LRBA: variants seen among roughly 807,000 people sequenced by gnomAD.
LRBA encodes LPS responsive beige-like anchor protein.
In LRBA, 176 loss-of-function variants were observed where a neutral mutation model predicts 330.0. The observed-to-expected ratio is 0.53, with a 90% confidence interval of 0.47 to 0.60. LRBA has a LOEUF of 0.60. Among genes scored for constraint, LRBA ranks in the 20% least tolerant of loss-of-function variants. The pLI is 0.00. For synonymous variants in LRBA, 1,230 were observed against 1,193.0 expected, an observed-to-expected ratio of 1.03 and a Z score of -0.64; for missense variants, 3,259 against 3,444.8, an observed-to-expected ratio of 0.95 and a Z score of 1.35.
At chr4:150,324,221 G>A (rs1732939532) in intron 49 of LRBA, among the ~76,000 whole-genome samples, 1 of 152,208 alleles carries the variant, frequency 6.6e-6, no homozygotes, top group Non-Finnish European at 1.5e-5. Flanking sequence ...AAAGTCAATG[G>A]AGCAGAGGAG....
intron 18 of LRBA, among the ~76,000 whole-genome samples, 178 bp downstream of exon 18, chr4:150,872,485 A>C (rs1399479881): frequency 3.9e-5 from 6 of 152,172 alleles, no homozygotes; most frequent in Admixed American, 6.5e-5. Context: ...TGTACAAAAA[A>C]ATTAATCCTG....
At chr4:150,884,750 G>A (rs1051966075) in intron 17 of LRBA, among the ~76,000 whole-genome samples, 8 of 152,008 alleles carry the variant, frequency 5.3e-5, no homozygotes, top group African/African-American at 1.9e-4. Context: ...GAGTTGCCCA[G>A]TTTTCAACAA....
intron 2 of LRBA, among the ~76,000 whole-genome samples, chr4:150,943,337 A>C (rs934500085): frequency 4.6e-5 from 7 of 152,116 alleles, no homozygotes; most frequent in Non-Finnish European, 2.9e-5. Context: ...GCCAGGCTGG[A>C]CTTGAACTTC....
chr4:150,319,125 C>G (rs1251361417), intron 50 of LRBA, among the ~76,000 whole-genome samples: 1 of 152,136 alleles, frequency 6.6e-6, no homozygotes, highest in African/African-American at 2.4e-5. Flanking sequence ...TTAGGGTTAT[C>G]AGTGCTAAAA....
At chr4:150,889,637 G>T (rs1217109431) in intron 17 of LRBA, among the ~76,000 whole-genome samples, 1 of 152,136 alleles carries the variant, frequency 6.6e-6, no homozygotes, top group Non-Finnish European at 1.5e-5. Flanking sequence ...AGAATCAAAT[G>T]ATAAATATAA....
At chr4:150,873,593 A>AC (rs2127012590) in intron 17 of LRBA, among the ~76,000 whole-genome samples, 1 of 151,920 alleles carries the variant, frequency 6.6e-6, no homozygotes, top group African/African-American at 2.4e-5. Context: ...CTGTCTCAAA[A>AC]AAAAAAACAA....
At chr4:150,548,738 T>TG (rs1252884369) in intron 40 of LRBA, among the ~76,000 whole-genome samples, 1 of 152,234 alleles carries the variant, frequency 6.6e-6, no homozygotes, top group Admixed American at 6.5e-5. Context: ...TATTATTGAT[T>TG]GAACCCTTAC....
At chr4:150,300,866 A>T (rs1284951353) in intron 53 of LRBA, among the ~76,000 whole-genome samples, 1 of 152,100 alleles carries the variant, frequency 6.6e-6, no homozygotes, top group Non-Finnish European at 1.5e-5. Flanking sequence ...ATAGGTCTTT[A>T]GCTGCTTTTT....
intron 37 of LRBA, among the ~76,000 whole-genome samples, chr4:150,624,735 T>G (rs73861640): frequency 2.6e-4 from 39 of 152,300 alleles, no homozygotes; most frequent in African/African-American, 9.1e-4. Context: ...AAAAAGCATG[T>G]GATGTAAAGC....
chr4:150,680,991 A>T (rs1166789421), intron 37 of LRBA, among the ~76,000 whole-genome samples: 5 of 149,096 alleles, frequency 3.4e-5, no homozygotes, highest in Non-Finnish European at 5.9e-5. Flanking sequence ...GGGTCAAAAT[A>T]AAAAAAATGC....
intron 2 of LRBA, among the ~76,000 whole-genome samples, chr4:150,946,754 C>T (rs1329405942): frequency 1.3e-5 from 2 of 151,780 alleles, no homozygotes; most frequent in Admixed American, 1.3e-4. Context: ...AAGCAGAAGT[C>T]AGTGAAGTAG....
intron 35 of LRBA, among the ~76,000 whole-genome samples, chr4:150,757,210 A>G (rs1269612936): frequency 6.6e-6 from 1 of 152,212 alleles, no homozygotes; most frequent in East Asian, 1.9e-4. Flanking sequence ...TACCAAAACA[A>G]TGTATTTAAA....
chr4:150,309,367 C>T (rs372295002), intron 52 of LRBA, among the ~76,000 whole-genome samples: 30 of 152,080 alleles, frequency 2.0e-4, no homozygotes, highest in East Asian at 7.7e-4. Context: ...TGCTGCACAA[C>T]GATAAAATCC....
intron 30 of LRBA, among the ~76,000 whole-genome samples, chr4:150,820,722 G>A (rs910764153): frequency 2.6e-5 from 4 of 151,948 alleles, no homozygotes; most frequent in African/African-American, 9.7e-5. Context: ...GCAGTAGGTA[G>A]ATTTTGAAAT....
rs1340275769 is a variant in LRBA, at chr4:150,304,493, ATAGTACTTTTTTTCTCCTGTGAT to A, written c.7850-1724_7850-1702del. 5.4e-4 allele frequency among the ~76,000 whole-genome samples: 79 copies of A among 145,490 alleles called. 2 individuals are homozygous for A. The highest frequency in any genetic ancestry group is 7.2e-3 in the Middle Eastern group (2 of 278). ...TTCAATCTCAAGTTGCAAAACTAAT[ATAGTACTTTTTTTCTCCTGTGAT>A]TAAGGGAGAGCAGACTTCAAAGCAA... On this transcript the variant is annotated intron_variant, in intron 52 of 56. Coordinates refer to ENST00000651943, the MANE Select transcript of LRBA (RefSeq NM_001364905.1).
chr4:150,686,541 T>G (rs1399937568), intron 36 of LRBA, among the ~76,000 whole-genome samples: 1 of 152,170 alleles, frequency 6.6e-6, no homozygotes, highest in African/African-American at 2.4e-5. Flanking sequence ...ATTCAAGAAC[T>G]GAGAAGCATT....
intron 21 of LRBA, 84 bp from the exon 22 acceptor site, chr4:150,867,947 T>G: frequency 1.7e-6 from 2 of 1,146,688 alleles, no homozygotes; most frequent in Non-Finnish European, 1.2e-6. Flanking sequence ...AAAATAACCC[T>G]GCCCCTCCCT....
At chr4:150,564,010 T>C (rs1345920700) in intron 40 of LRBA, among the ~76,000 whole-genome samples, 1 of 152,190 alleles carries the variant, frequency 6.6e-6, no homozygotes, top group Non-Finnish European at 1.5e-5. Flanking sequence ...CCAATGACTT[T>C]CTTCACAGAG....
At chr4:150,558,828 T>C (rs571156518) in intron 40 of LRBA, among the ~76,000 whole-genome samples, 2 of 152,340 alleles carry the variant, frequency 1.3e-5, no homozygotes, top group South Asian at 2.1e-4. Flanking sequence ...AGACTCTGAC[T>C]CTAATCTAGT....
Sources: gnomAD v4.1 joint callset for allele counts (sites outside exome capture counted in the v4.1 genomes callset) on GRCh38, gnomAD v4.1.1 for gene constraint, MANE v1.5 for transcripts, NCBI Gene and HGNC (gene_info 2026-07-23, HGNC 2026-07-21) for gene names.